The following ZPBP variants were observed in gnomAD, a reference collection of about 807,000 sequenced individuals.
ZPBP encodes the protein zona pellucida binding protein, also known as zona pellucida-binding protein 1.
A neutral mutation model predicts 44.8 loss-of-function variants in ZPBP; 26 were observed. The observed-to-expected ratio is 0.58, with a 90% CI of 0.43 to 0.81. ZPBP has a LOEUF of 0.81. Among genes scored for constraint, ZPBP ranks in the 30% least tolerant of loss-of-function variants. The probability of loss-of-function intolerance (pLI) is 0.00; values close to 1 mark genes in which losing one functional copy is unlikely to be tolerated. For synonymous variants in ZPBP, 174 were observed against 153.2 expected (o/e 1.14, Z -1.00); for missense variants, 409 against 434.0 (o/e 0.94, Z 0.51).
At chr7:49,966,490 T>C (rs1796068270) in intron 7 of ZPBP, among the ~76,000 whole-genome samples, 1 of 152,138 alleles carries the variant, frequency 6.6e-6, no homozygotes, top group Non-Finnish European at 1.5e-5. Flanking sequence ...GCATGCAAAG[T>C]ACATACTCTA....
chr7:49,876,140 T>C (rs1464060552), intron 2 of ZPBP, among the ~76,000 whole-genome samples: 1 of 152,104 alleles, frequency 6.6e-6, no homozygotes, highest in Admixed American at 6.6e-5. Flanking sequence ...GACCAGGAAT[T>C]ATATGGAAGG....
chr7:49,864,095 C>T (rs75661584), intron 2 of ZPBP, among the ~76,000 whole-genome samples: 4,191 of 151,968 alleles, frequency 0.028, 160 homozygotes, highest in South Asian at 0.12. Flanking sequence ...GTTGTTGTTG[C>T]GGGCTGTGAT....
chr7:49,932,275 G>A (rs1239161025), intron 1 of ZPBP, among the ~76,000 whole-genome samples: 1 of 152,200 alleles, frequency 6.6e-6, no homozygotes, highest in Non-Finnish European at 1.5e-5. Flanking sequence ...CATGCACCTG[G>A]AAAAGCCACA....
At chr7:49,874,969 T>C (rs1791335206) in intron 2 of ZPBP, among the ~76,000 whole-genome samples, 1 of 152,198 alleles carries the variant, frequency 6.6e-6, no homozygotes, top group African/African-American at 2.4e-5. Flanking sequence ...AGAGGTGTCT[T>C]TGAAATAGTT....
intron 5 of ZPBP, among the ~76,000 whole-genome samples, chr7:50,028,779 AAG>A (rs1447738029): frequency 1.3e-5 from 2 of 152,132 alleles, no homozygotes; most frequent in Non-Finnish European, 2.9e-5. Flanking sequence ...TACATTTGTC[AAG>A]AGTTACAGGA....
chr7:50,046,488 A>C (rs1421842379), intron 4 of ZPBP, among the ~76,000 whole-genome samples: 1 of 152,134 alleles, frequency 6.6e-6, no homozygotes, highest in Admixed American at 6.5e-5. Flanking sequence ...GGCAAAGGAC[A>C]TGAACAGACA....
In ZPBP at chr7:49,983,222, A is replaced by G; in HGVS notation, c.961+120T>C. On this transcript the variant is annotated intron_variant, in intron 7 of 7. Transcript: ENST00000046087. ...TCACTTTTCAAATACACTACTTTAA[A>G]TAAACTATGAAAAAATACCTAAATG... 4 of 918,830 alleles carry G rather than the reference A, an allele frequency of 4.4e-6. No homozygotes were observed. The South Asian group carries it at 6.3e-5, about 15-fold the overall frequency. The allele number at this position is 918,830 out of a possible 1,614,324, so 56.9% of individuals were successfully genotyped here.
intron 1 of ZPBP, among the ~76,000 whole-genome samples, chr7:49,931,805 G>A (rs1441272446): frequency 6.6e-6 from 1 of 152,238 alleles, no homozygotes; most frequent in Non-Finnish European, 1.5e-5. Context: ...CAGGCCTGGA[G>A]GCCTAGGAGG....
At chr7:49,976,230 T>C (rs1403861644) in intron 7 of ZPBP, among the ~76,000 whole-genome samples, 1 of 152,242 alleles carries the variant, frequency 6.6e-6, no homozygotes, top group Non-Finnish European at 1.5e-5. Flanking sequence ...CATTTATCTC[T>C]ATGTTTTTCT....
chr7:50,086,485 G>A (rs12674442), intron 2 of ZPBP, among the ~76,000 whole-genome samples: 126,033 of 151,982 alleles, frequency 0.83, 52,297 homozygotes, highest in East Asian at 0.88. Context: ...TAAAGAATGT[G>A]TGATATTCCA....
intron 2 of ZPBP, among the ~76,000 whole-genome samples, chr7:49,876,558 G>C (rs1044854549): frequency 2.6e-5 from 4 of 152,104 alleles, no homozygotes; most frequent in African/African-American, 9.7e-5. Flanking sequence ...ATTTAATTTA[G>C]TACTTCAATT....
At chr7:49,945,005 C>G (rs1795042436) in intron 7 of ZPBP, among the ~76,000 whole-genome samples, 1 of 152,134 alleles carries the variant, frequency 6.6e-6, no homozygotes, top group Admixed American at 6.6e-5. Flanking sequence ...CTTCCCTGTA[C>G]TGCTTTTGCT....
At chr7:49,886,121 C>T (rs1791894725) in intron 2 of ZPBP, among the ~76,000 whole-genome samples, 1 of 152,182 alleles carries the variant, frequency 6.6e-6, no homozygotes, top group Non-Finnish European at 1.5e-5. Context: ...GTGTCTGAAG[C>T]CCCTGGGCTG....
At chr7:50,051,292 G>A (rs1411128971) in intron 4 of ZPBP, among the ~76,000 whole-genome samples, 2 of 152,082 alleles carry the variant, frequency 1.3e-5, no homozygotes, top group Admixed American at 1.3e-4. Flanking sequence ...AACAGATGCT[G>A]TCGAGGTTGA....
At chr7:49,936,586 A>C (rs767478089), downstream of ZPBP, among the ~76,000 whole-genome samples, 4 of 152,256 alleles carry the variant, frequency 2.6e-5, no homozygotes, top group Non-Finnish European at 5.9e-5. Flanking sequence ...AGAGCAAAAC[A>C]GTGCATGCTG....
intron 6 of ZPBP, among the ~76,000 whole-genome samples, chr7:49,997,654 G>A (rs977887804): frequency 1.1e-4 from 17 of 152,160 alleles, no homozygotes; most frequent in Admixed American, 1.1e-3. Flanking sequence ...CTCAGGCAAT[G>A]TAGGATTAAT....
chr7:49,846,125 C>T (rs548193298), downstream of ZPBP, among the ~76,000 whole-genome samples: 2 of 152,174 alleles, frequency 1.3e-5, no homozygotes, highest in African/African-American at 4.8e-5. Context: ...GATAACTATC[C>T]CAAGGATCTA....
rs188490272 is a variant in ZPBP, at chr7:50,089,886, C to T, written c.128-177G>A. 2.7e-3 allele frequency among the ~76,000 whole-genome samples: 416 copies of T among 152,194 alleles called. 2 individuals carry two copies. The highest frequency in any genetic ancestry group is 9.2e-3 in the African/African-American group (384 of 41,546). Reference sequence around the variant, plus strand: ...CAGATGATCTGATAAATTTAATCTACGTACTGCTTCTCCATATTATATCTC... The same window carrying T: ...CAGATGATCTGATAAATTTAATCTATGTACTGCTTCTCCATATTATATCTC... On this transcript the variant is annotated intron_variant, in intron 1 of 7. Transcript: ENST00000046087.
At chr7:49,888,415 GATTTC>G (rs1403364889) in intron 2 of ZPBP, among the ~76,000 whole-genome samples, 1 of 152,160 alleles carries the variant, frequency 6.6e-6, no homozygotes, top group Non-Finnish European at 1.5e-5. Context: ...CTACAAAACT[GATTTC>G]ACTACATTTT....
Sources: allele counts gnomAD v4.1 joint callset (sites outside exome capture counted in the v4.1 genomes callset), GRCh38; gene constraint gnomAD v4.1.1; transcripts MANE v1.5; gene names NCBI Gene and HGNC (gene_info 2026-07-23, HGNC 2026-07-21).